Variants in STK32B observed in about 807,000 individuals in gnomAD.
STK32B encodes serine/threonine kinase 32B.
STK32B carries 43 observed loss-of-function variants against 52.6 expected under a neutral mutation model. The observed-to-expected ratio is 0.82, with a 90% CI of 0.64 to 1.05. The LOEUF (loss-of-function observed/expected upper bound fraction) is 1.05. STK32B is among the 50% of genes least tolerant of loss of function. STK32B has a pLI of 0.00. For synonymous variants in STK32B, 238 were observed against 204.3 expected (o/e 1.17, Z -1.41); for missense variants, 621 against 534.6 (o/e 1.16, Z -1.59).
At chr4:5,050,446 G>T (rs138237205), upstream of STK32B, among the ~76,000 whole-genome samples, 520 of 151,954 alleles carry the variant, frequency 3.4e-3, 3 homozygotes, top group African/African-American at 0.012. Context: ...GTTTCTGTAT[G>T]AGTCTCCCCG....
At position 5,218,042 on chromosome 4, in the gene STK32B, A is replaced by T. The variant is rs186259712; in HGVS notation, c.260+49592A>T. ...GTATTTTTTTCCTGTATGATGTATC[A>T]GTGGGTCAAGTGCCTCATTACCAAC... On this transcript the variant is annotated intron_variant, in intron 3 of 11. Transcript: ENST00000282908. Among the ~76,000 whole-genome samples the T allele has an allele frequency of 3.5e-4, 54 of 152,218 alleles. 1 individual carries two copies. In the East Asian group the frequency reaches 5.4e-3, roughly 15 times the overall value.
At chr4:5,100,707 TTTCTTCCTTCCCTCCTTCCC>T (rs764391953) in intron 1 of STK32B, among the ~76,000 whole-genome samples, 5 of 41,922 alleles carry the variant, frequency 1.2e-4, no homozygotes, top group Non-Finnish European at 2.1e-4. Flanking sequence ...CCTTCCTTCC[TTTCTTCCTTCCCTCCTTCCC>T]TTCTTCCTTC....
intron 4 of STK32B, among the ~76,000 whole-genome samples, chr4:5,347,408 A>G (rs1190565721): frequency 1.3e-5 from 2 of 152,366 alleles, no homozygotes; most frequent in Non-Finnish European, 2.9e-5. Context: ...ACCTGGGAAT[A>G]TGCTGTGTTA....
intron 1 of STK32B, among the ~76,000 whole-genome samples, chr4:5,087,868 C>T (rs575205770): frequency 1.4e-3 from 216 of 152,108 alleles, no homozygotes; most frequent in Non-Finnish European, 2.6e-3. Context: ...AAATACTCTA[C>T]TTTCAAAAAT....
intron 3 of STK32B, among the ~76,000 whole-genome samples, chr4:5,235,353 T>C (rs1724547796): frequency 6.6e-6 from 1 of 152,222 alleles, no homozygotes; most frequent in Non-Finnish European, 1.5e-5. Context: ...ATTTACTGGC[T>C]GTAGGACCAG....
chr4:5,390,336 T>C (rs1032365296), intron 4 of STK32B, among the ~76,000 whole-genome samples: 1 of 152,158 alleles, frequency 6.6e-6, no homozygotes, highest in Non-Finnish European at 1.5e-5. Context: ...AGAGTGTCCA[T>C]CGACAGGAGC....
intron 6 of STK32B, 42 bp from the exon 7 acceptor site, chr4:5,446,631 C>G (rs370011279): frequency 6.5e-7 from 1 of 1,546,298 alleles, no homozygotes; most frequent in Non-Finnish European, 8.9e-7. Flanking sequence ...TGGCCATAAA[C>G]TGGGATACAC....
chr4:5,345,731 C>G (rs996381586), intron 4 of STK32B, among the ~76,000 whole-genome samples: 1 of 152,340 alleles, frequency 6.6e-6, no homozygotes, highest in South Asian at 2.1e-4. Flanking sequence ...TATCTCTATT[C>G]TGATAACCTA....
chr4:5,305,032 T>G (rs769829238), intron 3 of STK32B, among the ~76,000 whole-genome samples: 1 of 151,348 alleles, frequency 6.6e-6, no homozygotes, highest in Non-Finnish European at 1.5e-5. Flanking sequence ...ATCCCTGTTA[T>G]GAAACCCACT....
intron 4 of STK32B, among the ~76,000 whole-genome samples, chr4:5,342,751 A>G (rs1273104677): frequency 1.3e-5 from 2 of 152,112 alleles, no homozygotes; most frequent in African/African-American, 4.8e-5. Context: ...CACTTTTTCT[A>G]CCTTGTTCAT....
intron 3 of STK32B, among the ~76,000 whole-genome samples, chr4:5,330,252 T>C (rs10013905): frequency 0.054 from 8,292 of 152,270 alleles, 404 homozygotes; most frequent in African/African-American, 0.12. Flanking sequence ...GTGATTAATA[T>C]TACATGATTC....
intron 1 of STK32B, among the ~76,000 whole-genome samples, chr4:5,102,358 C>T (rs1713834166): frequency 6.6e-6 from 1 of 152,106 alleles, no homozygotes; most frequent in South Asian, 2.1e-4. Context: ...GAGAGGGTGG[C>T]CATTGGCTAG....
At chr4:5,333,470 C>G (rs1732414052) in intron 4 of STK32B, among the ~76,000 whole-genome samples, 1 of 152,130 alleles carries the variant, frequency 6.6e-6, no homozygotes, top group Non-Finnish European at 1.5e-5. Flanking sequence ...TGCAGAAGCT[C>G]TTTAGTTTAA....
intron 3 of STK32B, among the ~76,000 whole-genome samples, chr4:5,316,889 TA>T (rs1730916902): frequency 8.2e-5 from 1 of 12,126 alleles, no homozygotes; most frequent in Non-Finnish European, 1.1e-4. Flanking sequence ...ATATTATATA[TA>T]TTATATATAA....
chr4:5,491,560 T>C (rs1577059373), intron 11 of STK32B, among the ~76,000 whole-genome samples: 3 of 151,910 alleles, frequency 2.0e-5, no homozygotes, highest in African/African-American at 4.8e-5. Context: ...TTTCTTTTGC[T>C]GTGCAGAAGC....
chr4:5,067,353 A>G (rs1178984575), intron 1 of STK32B, among the ~76,000 whole-genome samples: 1 of 152,150 alleles, frequency 6.6e-6, no homozygotes, highest in Admixed American at 6.5e-5. Context: ...GCCAAACCAT[A>G]TCAGTCAGTC....
rs182877614 is a variant in STK32B at position 5,245,430 on chromosome 4, G to T, written c.260+76980G>T. 2.0e-5 allele frequency among the ~76,000 whole-genome samples: 3 copies of T among 152,190 alleles called. No individual in the cohort carries two copies. In the East Asian group the frequency reaches 5.8e-4, roughly 29 times the overall value. ...GCCTTTTTTTGTTTTCCATTTGCTTGGTAGATCTTCCTCCATCCCTTTACT... is the reference window on the plus strand; with the variant it reads ...GCCTTTTTTTGTTTTCCATTTGCTTTGTAGATCTTCCTCCATCCCTTTACT... On this transcript the variant is annotated intron_variant, in intron 3 of 11. Transcript: ENST00000282908.
At chr4:5,328,160 G>A (rs1283533441) in intron 3 of STK32B, among the ~76,000 whole-genome samples, 2 of 152,214 alleles carry the variant, frequency 1.3e-5, no homozygotes, top group Non-Finnish European at 2.9e-5. Context: ...AGGGAATGTT[G>A]TAGCTGATTT....
In STK32B at chr4:5,295,270, A is replaced by G. The variant is rs137998332; in HGVS notation, c.261-35950A>G. On this transcript the variant is annotated intron_variant, in intron 3 of 11. Coordinates refer to ENST00000282908, the MANE Select transcript of STK32B (RefSeq NM_018401.3). ...TGTTGTGTCTCTGCCAGGTTTTGGT[A>G]TCAGGATGATGCCTCATAAAACGAG... Among the ~76,000 whole-genome samples, 261 of 152,242 alleles carry G rather than the reference A, an allele frequency of 1.7e-3. 3 individuals carry two copies. The highest frequency in any genetic ancestry group is 2.6e-3 in the Non-Finnish European group (177 of 67,980).
Sources: allele counts gnomAD v4.1 joint callset (sites outside exome capture counted in the v4.1 genomes callset), GRCh38; gene constraint gnomAD v4.1.1; transcripts MANE v1.5; gene names NCBI Gene and HGNC (gene_info 2026-07-23, HGNC 2026-07-21).